NEDD4: variants seen among roughly 807,000 people sequenced by gnomAD.
NEDD4 encodes the protein NEDD4 E3 ubiquitin protein ligase.
NEDD4 carries 99 observed loss-of-function variants against 144.9 expected under a neutral mutation model. The ratio of observed to expected loss-of-function variants is 0.68; its 90% CI spans 0.58 to 0.81. The LOEUF (loss-of-function observed/expected upper bound fraction) is 0.81, where lower values mean the gene tolerates loss of function less well. NEDD4 is among the 30% of genes least tolerant of loss of function. The pLI, the probability that NEDD4 is intolerant of heterozygous loss-of-function variation, is 0.00. For synonymous variants in NEDD4, 318 were observed against 350.6 expected (o/e 0.91, Z 1.04); for missense variants, 985 against 1,065.9 (o/e 0.92, Z 1.06).
At chr15:55,963,014 T>C (rs572235983) in intron 2 of NEDD4, among the ~76,000 whole-genome samples, 2 of 150,798 alleles carry the variant, frequency 1.3e-5, no homozygotes, top group Non-Finnish European at 3.0e-5. Flanking sequence ...CAAACTCCTG[T>C]CCTCAGGTGA....
chr15:55,905,343 A>G, intron 5 of NEDD4: 1 of 451,900 alleles, frequency 2.2e-6, no homozygotes, highest in Non-Finnish European at 4.4e-6. Context: ...TTGACCTCAG[A>G]GAGAAGACAC....
intron 18 of NEDD4, among the ~76,000 whole-genome samples, chr15:55,845,843 T>A (rs1443997063): frequency 1.3e-5 from 2 of 150,308 alleles, no homozygotes; most frequent in Non-Finnish European, 1.5e-5. Context: ...TGGAGTGCAG[T>A]GGCGCGATCT....
At chr15:55,979,878 A>G (rs1198071429) in intron 1 of NEDD4, among the ~76,000 whole-genome samples, 1 of 151,860 alleles carries the variant, frequency 6.6e-6, no homozygotes, top group Admixed American at 6.6e-5. Flanking sequence ...GAGATTTTGG[A>G]AACTTTCTTT....
chr15:55,945,738 A>T (rs926139603), intron 4 of NEDD4, among the ~76,000 whole-genome samples: 12 of 152,148 alleles, frequency 7.9e-5, no homozygotes, highest in Non-Finnish European at 1.5e-5. Flanking sequence ...ATGAAGGAAA[A>T]AATGTTAAGG....
intron 5 of NEDD4, among the ~76,000 whole-genome samples, chr15:55,883,251 G>T (rs1233179414): frequency 6.6e-6 from 1 of 152,192 alleles, no homozygotes; most frequent in Non-Finnish European, 1.5e-5. Flanking sequence ...TAGTCTGGCA[G>T]TACTCCCCAT....
In NEDD4 at chr15:55,829,881, G is replaced by T. The variant is rs1232370199; in HGVS notation, c.*16C>A. On this transcript the variant is annotated 3_prime_UTR_variant, in exon 29 of 29. Coordinates refer to ENST00000435532, the MANE Select transcript of NEDD4 (RefSeq NM_006154.4). ...AAACTATGGCAGTAAAAACACTACA[G>T]ATTGTTATTTGTAATCTAATCAACT... is the stretch of plus-strand genomic sequence containing the variant. 1 of 1,591,412 alleles carries T rather than the reference G, an allele frequency of 6.3e-7. No individual in the cohort carries two copies. The highest frequency in any genetic ancestry group is 1.3e-5 in the African/African-American group (1 of 74,204).
In NEDD4 at chr15:55,924,649, T is replaced by C; in HGVS notation, c.288A>G (p.Arg96=). Residue 96 remains arginine, a synonymous_variant, in exon 5 of 29, where the codon CGA becomes CGG. Coordinates refer to ENST00000435532, the MANE Select transcript of NEDD4 (RefSeq NM_006154.4). ...ATATAAGCACAATATAACTTACCAA[T>C]CGGTTTTCGTCAAACACTTCAAAAA... ...RLLFEVFDEN[R]LTRDDFLGQV... 1 of 1,608,418 alleles carries C rather than the reference T, an allele frequency of 6.2e-7. No individual in the cohort carries two copies. Among genetic ancestry groups the C allele is most frequent in the Non-Finnish European group, 8.5e-7 (1 of 1,177,132 alleles).
chr15:55,943,438 A>G (rs1465406071), intron 4 of NEDD4, among the ~76,000 whole-genome samples: 2 of 152,146 alleles, frequency 1.3e-5, no homozygotes, highest in African/African-American at 2.4e-5. Context: ...CAACCTTGGG[A>G]CACTGCTCTC....
At chr15:55,943,791 C>T (rs1274404844) in intron 4 of NEDD4, among the ~76,000 whole-genome samples, 1 of 152,314 alleles carries the variant, frequency 6.6e-6, no homozygotes, top group South Asian at 2.1e-4. Flanking sequence ...AGGCCACTAT[C>T]GTCCAGACCC....
At position 55,830,609 on chromosome 15, in the gene NEDD4, T is replaced by A. The variant is rs746975011; in HGVS notation, c.2528-23A>T. On this transcript the variant is annotated intron_variant, in intron 27 of 28. Transcript: ENST00000435532. ...AACCTATAAGGAAGAATTTATTTGG[T>A]TTCATTTACTCTCTACAAGGATCTC... 4 of 1,602,206 alleles carry A rather than the reference T, an allele frequency of 2.5e-6. No homozygotes were observed. The African/African-American group carries it at 5.4e-5, about 21-fold the overall frequency.
intron 17 of NEDD4, among the ~76,000 whole-genome samples, chr15:55,847,282 G>T (rs1468935958): frequency 3.9e-5 from 6 of 152,110 alleles, no homozygotes; most frequent in African/African-American, 1.4e-4. Context: ...TTAAAATGCA[G>T]CATGCCAGAA....
At chr15:55,936,379 C>A (rs765658554) in intron 4 of NEDD4, among the ~76,000 whole-genome samples, 20 of 151,564 alleles carry the variant, frequency 1.3e-4, no homozygotes, top group South Asian at 4.2e-4. Flanking sequence ...AATTTGTGTG[C>A]GTATGTAGGT....
intron 26 of NEDD4, 31 bp downstream of exon 26, chr15:55,834,007 G>C: frequency 6.8e-7 from 1 of 1,478,024 alleles, no homozygotes; most frequent in Non-Finnish European, 9.4e-7. Flanking sequence ...CTATCAAAAA[G>C]TAAGTTATGA....
intron 2 of NEDD4, among the ~76,000 whole-genome samples, chr15:55,962,414 T>A (rs191949615): frequency 6.6e-6 from 1 of 152,202 alleles, no homozygotes; most frequent in Admixed American, 6.5e-5. Flanking sequence ...GTTTATTGTT[T>A]GTTTTCCATT....
intron 4 of NEDD4, among the ~76,000 whole-genome samples, chr15:55,938,317 C>T (rs148316623): frequency 3.3e-5 from 5 of 152,140 alleles, no homozygotes; most frequent in Middle Eastern, 3.4e-3. Flanking sequence ...CGAGATCGTG[C>T]CACTGCATTC....
At chr15:55,897,819 C>A (rs1228989189) in intron 5 of NEDD4, among the ~76,000 whole-genome samples, 1 of 152,158 alleles carries the variant, frequency 6.6e-6, no homozygotes, top group African/African-American at 2.4e-5. Context: ...GTCTTCCTTA[C>A]GAAGGGGTGA....
At chr15:55,974,593 A>G (rs546074519) in intron 1 of NEDD4, among the ~76,000 whole-genome samples, 16 of 152,190 alleles carry the variant, frequency 1.1e-4, no homozygotes, top group Non-Finnish European at 2.1e-4. Context: ...GATTCATATC[A>G]GGGATGAAAG....
intron 5 of NEDD4, among the ~76,000 whole-genome samples, chr15:55,906,656 T>G (rs1183208377): frequency 4.0e-5 from 6 of 151,796 alleles, no homozygotes; most frequent in Non-Finnish European, 5.9e-5. Flanking sequence ...GGGGGAGGGA[T>G]AGCATTAGGT....
intron 17 of NEDD4, 110 bp from the exon 18 acceptor site, chr15:55,847,144 G>A (rs2033784212): frequency 5.6e-6 from 3 of 537,502 alleles, no homozygotes; most frequent in African/African-American, 1.9e-5. Context: ...AAAAATATTT[G>A]GAAAGAAAAG....
Sources: allele counts gnomAD v4.1 joint callset (sites outside exome capture counted in the v4.1 genomes callset), GRCh38; gene constraint gnomAD v4.1.1; transcripts MANE v1.5; gene names NCBI Gene and HGNC (gene_info 2026-07-23, HGNC 2026-07-21).